MASTL: variants seen among roughly 807,000 people sequenced by gnomAD.
The protein encoded by MASTL is serine/threonine-protein kinase greatwall.
Under a neutral mutation model 82.5 loss-of-function variants are expected in MASTL, and 54 were observed. The observed-to-expected ratio is 0.65, with a 90% confidence interval of 0.53 to 0.82. The LOEUF is 0.82. Ranked by LOEUF, MASTL falls within the 40% of genes least tolerant of loss-of-function variation. The probability of loss-of-function intolerance (pLI) is 0.00; values close to 1 mark genes in which losing one functional copy is unlikely to be tolerated. For missense variants in MASTL, 950 were observed against 1,047.8 expected (o/e 0.91, Z 1.29); for synonymous variants, 323 against 368.9 (o/e 0.88, Z 1.43).
At chr10:27,163,938 C>T (rs112994534) in intron 4 of MASTL, among the ~76,000 whole-genome samples, 3 of 150,956 alleles carry the variant, frequency 2.0e-5, no homozygotes, top group Admixed American at 6.6e-5. Flanking sequence ...CCTATTCATT[C>T]ATTTATTTAT....
rs1320624544 is a variant in MASTL, at chr10:27,170,606, A to C, written c.1647A>C (p.Leu549Phe). 1 of 1,608,302 alleles carries C rather than the reference A, an allele frequency of 6.2e-7. No individual in the cohort carries two copies. Among genetic ancestry groups the C allele is most frequent in the Non-Finnish European group, 8.5e-7 (1 of 1,177,852 alleles). ...AAAAGAATAGTAAGAGGGACTACTT[A>C]AGTTCTAGTTTTCTATGTTCTGATG... is the stretch of plus-strand genomic sequence containing the variant. ...DCEKNSKRDY[L>F]SSSFLCSDDD... The change falls in exon 8 of 12, where the codon TTA (leucine) becomes TTC (phenylalanine). Residue 549 changes from leucine to phenylalanine, a missense_variant. Coordinates refer to ENST00000375940, the MANE Select transcript of MASTL (RefSeq NM_001172303.3).
intron 11 of MASTL, among the ~76,000 whole-genome samples, chr10:27,184,804 G>A (rs577168113): frequency 1.2e-4 from 18 of 151,798 alleles, no homozygotes; most frequent in Non-Finnish European, 2.4e-4. Flanking sequence ...CAAGTAATCC[G>A]CCCACCTCAG....
intron 3 of MASTL, 64 bp from the exon 4 acceptor site, chr10:27,161,030 G>A: frequency 1.9e-6 from 2 of 1,067,002 alleles, no homozygotes; most frequent in South Asian, 2.5e-5. Context: ...CTTTTTTTCT[G>A]GAAATTCTAA....
intron 4 of MASTL, among the ~76,000 whole-genome samples, chr10:27,163,968 C>G (rs2057660673): frequency 6.6e-6 from 1 of 151,862 alleles, no homozygotes; most frequent in Non-Finnish European, 1.5e-5. Context: ...GAGTCTTGCT[C>G]TGTCACCCAG....
In MASTL at chr10:27,159,822, C is replaced by A; in HGVS notation, c.464+64C>A. On this transcript the variant is annotated intron_variant, in intron 3 of 11. Coordinates refer to ENST00000375940, the MANE Select transcript of MASTL (RefSeq NM_001172303.3). This position sits in a 1 kb window ranked among gnomAD's most constrained non-coding sequence, Gnocchi z 4.0. ...AAGTAATCAAATTACATATTTGAGTCTCAGATATTCACAGTAACCACTTGC... is the reference window on the plus strand; with the variant it reads ...AAGTAATCAAATTACATATTTGAGTATCAGATATTCACAGTAACCACTTGC... 1 of 1,374,028 alleles carries A rather than the reference C, an allele frequency of 7.3e-7. No individual in the cohort carries two copies. The highest frequency in any genetic ancestry group is 1.0e-6 in the Non-Finnish European group (1 of 967,676). 85.1% of individuals were successfully genotyped at this position (1,374,028 alleles called of 1,614,324 possible). A position where few individuals can be genotyped will look rare whatever the true frequency, so the allele number is the denominator to read the frequency against.
At position 27,158,191 on chromosome 10, in the gene MASTL, A is replaced by C. The variant is rs142038292; in HGVS notation, c.187-358A>C. Among the ~76,000 whole-genome samples the C allele has an allele frequency of 6.7e-4, 102 of 152,316 alleles. 1 individual carries two copies. Among genetic ancestry groups the C allele is most frequent in the Middle Eastern group, 3.4e-3 (1 of 294 alleles). ...ATGTGTTCTCTCTGTTAGCGTTTTC[A>C]TGATGGCAACTTTGAAACCTGAGAT... On this transcript the variant is annotated intron_variant, in intron 1 of 11. Coordinates refer to ENST00000375940, the MANE Select transcript of MASTL (RefSeq NM_001172303.3).
chr10:27,160,042 G>A (rs1007844102), intron 3 of MASTL, among the ~76,000 whole-genome samples: 1 of 150,950 alleles, frequency 6.6e-6, no homozygotes, highest in Non-Finnish European at 1.5e-5. Context: ...CATCCAGGTT[G>A]TGCAGTGCAG....
At chr10:27,164,940 T>G (rs2057693409) in intron 4 of MASTL, 124 bp from the exon 5 acceptor site, 1 of 700,122 alleles carries the variant, frequency 1.4e-6, no homozygotes. Context: ...GCCCAGCCAC[T>G]GTCTCCTTTT....
In MASTL at chr10:27,180,932, CT is replaced by C. The variant is rs751559294; in HGVS notation, c.2267-20del. 7.0e-7 allele frequency: 1 copy of C among 1,425,868 alleles called. No homozygotes were observed. Among genetic ancestry groups the C allele is most frequent in the South Asian group, 1.1e-5 (1 of 87,328 alleles). The allele number at this position is 1,425,868 out of a possible 1,614,324, so 88.3% of individuals were successfully genotyped here. On this transcript the variant is annotated intron_variant, in intron 9 of 11. Coordinates refer to ENST00000375940, the MANE Select transcript of MASTL (RefSeq NM_001172303.3). ...TTGTAGAGAATGCTTGCAACTTTAGCTGTTTCCTCTTCGATTACAGGTCCTG... is the reference window on the plus strand; with the variant it reads ...TTGTAGAGAATGCTTGCAACTTTAGCGTTTCCTCTTCGATTACAGGTCCTG...
At chr10:27,154,675 T>G, upstream of MASTL, 2 of 206,080 alleles carry the variant, frequency 9.7e-6, no homozygotes, top group Non-Finnish European at 9.6e-6. Context: ...GTTCAAGCGA[T>G]TCTCCTGCCT....
chr10:27,169,343 A>G (rs1309738979), intron 7 of MASTL, among the ~76,000 whole-genome samples: 1 of 152,020 alleles, frequency 6.6e-6, no homozygotes, highest in Non-Finnish European at 1.5e-5. Flanking sequence ...CAGGTGGATC[A>G]CCTGAGGTCA....
intron 9 of MASTL, among the ~76,000 whole-genome samples, chr10:27,180,453 G>A (rs1372604325): frequency 2.6e-5 from 4 of 152,094 alleles, no homozygotes; most frequent in South Asian, 2.1e-4. Flanking sequence ...GTGCAGTGGC[G>A]TGATCTCGGC....
intron 3 of MASTL, among the ~76,000 whole-genome samples, chr10:27,160,675 C>T (rs977199125): frequency 1.3e-5 from 2 of 151,358 alleles, no homozygotes; most frequent in Non-Finnish European, 2.9e-5. Context: ...TGCTTGAACC[C>T]GGAAGGCGGA....
At position 27,181,262 on chromosome 10, in the gene MASTL, G is replaced by T. The variant is rs193301479; in HGVS notation, c.2380+196G>T. Among the ~76,000 whole-genome samples, 499 of 152,146 alleles carry T rather than the reference G, an allele frequency of 3.3e-3. 2 individuals are homozygous for T. Among genetic ancestry groups the T allele is most frequent in the African/African-American group, 0.011 (475 of 41,520 alleles). ...AAAAATTAGCCAGGCATGTTGACGG[G>T]CGCCTGTAATCCCAGCTACTCGGGA... On this transcript the variant is annotated intron_variant, in intron 10 of 11. Coordinates refer to ENST00000375940, the MANE Select transcript of MASTL (RefSeq NM_001172303.3).
chr10:27,181,543 T>C lies in MASTL; in HGVS notation c.2444T>C (p.Leu815Pro). The C allele has an allele frequency of 6.2e-7, 1 of 1,612,958 alleles. No individual in the cohort carries two copies. The highest frequency in any genetic ancestry group is 8.5e-7 in the Non-Finnish European group (1 of 1,179,098). The change falls in exon 11 of 12, where the codon CTT (leucine) becomes CCT (proline). Residue 815 changes from leucine to proline, a missense_variant. Transcript: ENST00000375940. ...SDNAQSAVEILLTIDDTKRAG... is the reference protein window; with the variant it reads ...SDNAQSAVEIPLTIDDTKRAG... Reference sequence around the variant, plus strand: ...AATGCTCAAAGTGCAGTAGAAATACTTTTAACCATTGATGATACAAAGAGA... The same window carrying C: ...AATGCTCAAAGTGCAGTAGAAATACCTTTAACCATTGATGATACAAAGAGA...
At chr10:27,166,420 A>G (rs1358672084) in intron 6 of MASTL, among the ~76,000 whole-genome samples, 1 of 152,156 alleles carries the variant, frequency 6.6e-6, no homozygotes, top group East Asian at 1.9e-4. Context: ...TACCACATCA[A>G]TAATGTTCCT....
chr10:27,171,138 C>A (rs1198841762), intron 8 of MASTL, 55 bp downstream of exon 8: 2 of 1,445,560 alleles, frequency 1.4e-6, no homozygotes, highest in African/African-American at 1.4e-5. Context: ...ACTATGAAGA[C>A]AGACATTTGC....
intron 3 of MASTL, among the ~76,000 whole-genome samples, chr10:27,160,194 G>A (rs1367741297): frequency 5.5e-4 from 52 of 94,376 alleles, no homozygotes; most frequent in Non-Finnish European, 8.2e-4. Context: ...TTTTTGTAGA[G>A]ACAAGGTTCC....
chr10:27,170,003 C>T lies in MASTL; in HGVS notation c.1044C>T (p.Cys348=), dbSNP rs778538626. 1.5e-5 allele frequency: 25 copies of T among 1,613,976 alleles called. No homozygotes were observed. Among genetic ancestry groups the T allele is most frequent in the African/African-American group, 8.0e-5 (6 of 74,890 alleles). The change falls in exon 8 of 12, where the codon TGC becomes TGT. Residue 348 remains cysteine (C), a synonymous_variant. Transcript: ENST00000375940. ...MMSWNAVEKL[C]AKSANAIETK... ...GTTGGAATGCAGTTGAAAAGTTATGCGCAAAATCTGCAAATGCCATTGAGA... is the reference window on the plus strand; with the variant it reads ...GTTGGAATGCAGTTGAAAAGTTATGTGCAAAATCTGCAAATGCCATTGAGA...
Sources: allele counts gnomAD v4.1 joint callset (sites outside exome capture counted in the v4.1 genomes callset), GRCh38; gene constraint gnomAD v4.1.1; non-coding constraint Gnocchi (gnomAD v3.1); transcripts MANE v1.5; gene names NCBI Gene and HGNC (gene_info 2026-07-23, HGNC 2026-07-21).